Variants in PRG4 observed in about 807,000 individuals in gnomAD.
PRG4 encodes proteoglycan 4.
Under a neutral mutation model 91.2 loss-of-function variants are expected in PRG4, and 61 were observed. That is an observed-to-expected ratio of 0.67 (90% CI 0.54 to 0.83). The LOEUF (loss-of-function observed/expected upper bound fraction) is 0.83. Ranked by LOEUF, PRG4 falls within the 40% of genes least tolerant of loss-of-function variation. The probability of loss-of-function intolerance (pLI) is 0.00; values close to 1 mark genes in which losing one functional copy is unlikely to be tolerated. For synonymous variants in PRG4, 576 were observed against 614.2 expected (o/e 0.94, Z 0.92); for missense variants, 1,564 against 1,714.2 (o/e 0.91, Z 1.55).
rs1657040554 is a variant in PRG4, at chr1:186,309,793, A to C, written c.3422A>C (p.Asp1141Ala). 6.2e-7 allele frequency: 1 copy of C among 1,610,114 alleles called. No individual in the cohort carries two copies. Residue 1141 changes from aspartate to alanine, a missense_variant and splice_region_variant, in exon 8 of 13, where the codon GAT (aspartate) becomes GCT (alanine). Coordinates refer to ENST00000445192, the MANE Select transcript of PRG4 (RefSeq NM_005807.6). ...GTTTTGTTTTTGTTAATTTGTTTAG[A>C]TGAGACCAATATATGCAATGGTAAG... ...QGIIINPMLS[D>A]ETNICNGKPV...
At chr1:186,313,199 G>T in intron 12 of PRG4, 1 of 428,148 alleles carries the variant, frequency 2.3e-6, no homozygotes, top group Non-Finnish European at 4.3e-6. Flanking sequence ...ACCTTGTTTG[G>T]CACAAGGTTA....
At chr1:186,304,084 C>A in intron 4 of PRG4, 24 bp from the exon 5 acceptor site, 1 of 1,612,750 alleles carries the variant, frequency 6.2e-7, no homozygotes, top group Non-Finnish European at 8.5e-7. Context: ...AAGATGTTAA[C>A]TGACTTGTCT....
At position 186,308,644 on chromosome 1, in the gene PRG4, T is replaced by C; in HGVS notation, c.2925T>C (p.Thr975=). 1 of 1,612,022 alleles carries C rather than the reference T, an allele frequency of 6.2e-7. No homozygotes were observed. The highest frequency in any genetic ancestry group is 8.5e-7 in the Non-Finnish European group (1 of 1,179,586). The change falls in exon 7 of 13, where the codon ACT becomes ACC. Residue 975 remains threonine (T), a synonymous_variant. Transcript: ENST00000445192. ...TQDTTPFKIT[T]LKTTTLAPKV... is the part of the protein sequence containing the mutation. ...ATACCACACCATTCAAAATTACTACTCTTAAAACAACTACTCTTGCACCCA... is the reference window on the plus strand; with the variant it reads ...ATACCACACCATTCAAAATTACTACCCTTAAAACAACTACTCTTGCACCCA...
At chr1:186,310,953 C>A in intron 8 of PRG4, 81 bp from the exon 9 acceptor site, 1 of 1,519,226 alleles carries the variant, frequency 6.6e-7, no homozygotes. Flanking sequence ...CATAAGAAAA[C>A]TACATTTTTT....
rs757983967 is a variant in PRG4, at chr1:186,304,868, A to G, written c.544A>G (p.Ile182Val). The G allele has an allele frequency of 6.2e-7, 1 of 1,613,462 alleles. No homozygotes were observed. Among genetic ancestry groups the G allele is most frequent in the East Asian group, 2.2e-5 (1 of 44,802 alleles). ...CTCTTCTTCTTCAACAATTCGGAAA[A>G]TCAAGTCTTCCAAAAATTCAGCTGC... Reference protein sequence around the residue: ...SSSSSSTIRKIKSSKNSAANR... With the variant: ...SSSSSSTIRKVKSSKNSAANR... Residue 182 changes from isoleucine to valine, a missense_variant, in exon 6 of 13, where the codon ATC (isoleucine) becomes GTC (valine). Ile to Val is a conservative substitution (Grantham distance 29, BLOSUM62 3). Around this residue, in one of 3 missense-constraint regions of PRG4, gnomAD observed 437 missense variants for 459.0 expected, o/e 0.95. Coordinates refer to ENST00000445192, the MANE Select transcript of PRG4 (RefSeq NM_005807.6).
In PRG4 at chr1:186,308,958, ACCAAACT is replaced by A. The variant is rs769917456; in HGVS notation, c.3254_3260del (p.Ser1085Ter). On this transcript the variant is annotated frameshift_variant, in exon 7 of 13. Transcript: ENST00000445192. LOFTEE classifies it high-confidence loss of function. ...ATGCTCCAAACCACCACCAGACCTA[ACCAAACT>A]CCAAACTCCAAACTAGTTGAAGTAA... The A allele has an allele frequency of 1.6e-5, 26 of 1,608,702 alleles. No homozygotes were observed. The highest frequency in any genetic ancestry group is 2.7e-5 in the African/African-American group (2 of 74,584).
intron 6 of PRG4, 100 bp downstream of exon 6, chr1:186,305,022 T>A (rs1025509855): frequency 3.3e-5 from 41 of 1,253,230 alleles, no homozygotes; most frequent in Non-Finnish European, 4.6e-5. Flanking sequence ...CATCTTAATA[T>A]GGGGGGGAAT....
chr1:186,309,671 G>T, intron 7 of PRG4, 122 bp from the exon 8 acceptor site: 1 of 753,134 alleles, frequency 1.3e-6, no homozygotes. Flanking sequence ...AGGTCAAACT[G>T]TGTCCTTCAA....
intron 8 of PRG4, 86 bp from the exon 9 acceptor site, chr1:186,310,948 G>A: frequency 2.0e-6 from 3 of 1,502,846 alleles, no homozygotes; most frequent in Non-Finnish European, 9.2e-7. Context: ...CAATGCATAA[G>A]AAAACTACAT....
At chr1:186,301,452 A>G in intron 3 of PRG4, 140 bp from the exon 4 acceptor site, 1 of 1,226,352 alleles carries the variant, frequency 8.2e-7, no homozygotes, top group Non-Finnish European at 1.2e-6. Flanking sequence ...TTCCTGGATG[A>G]TGTACTCCAA....
Position 186,300,027 on chromosome 1 carries a change from G to T in PRG4, c.77-64G>T, listed in dbSNP as rs147063332. 1.9e-6 allele frequency: 3 copies of T among 1,586,742 alleles called. No individual in the cohort carries two copies. The Middle Eastern group carries it at 5.0e-4, about 263-fold the overall frequency. The stretch of plus-strand genomic sequence containing the variant: ...CTCACCAAGTGGCTTTGTCCCCCTC[G>T]TTAGATTGCTCCCTTTCTATAAAGT... On this transcript the variant is annotated intron_variant, in intron 2 of 12. Coordinates refer to ENST00000445192, the MANE Select transcript of PRG4 (RefSeq NM_005807.6).
chr1:186,300,686 A>C lies in PRG4; in HGVS notation c.199+473A>C, dbSNP rs16825138. 2.1e-3 allele frequency among the ~76,000 whole-genome samples: 317 copies of C among 152,334 alleles called. 2 individuals are homozygous for C. Among genetic ancestry groups the C allele is most frequent in the African/African-American group, 7.0e-3 (291 of 41,584 alleles). On this transcript the variant is annotated intron_variant, in intron 3 of 12. Coordinates refer to ENST00000445192, the MANE Select transcript of PRG4 (RefSeq NM_005807.6). Reference sequence around the variant, plus strand: ...GACTTTCTGATGTTAACACGTTTGTAAATTACCTGGAAAAGACACTTTAAA... The same window carrying C: ...GACTTTCTGATGTTAACACGTTTGTCAATTACCTGGAAAAGACACTTTAAA...
In PRG4 at chr1:186,314,329, T is replaced by C. The variant is rs1289411693; in HGVS notation, c.*551T>C. 4 of 392,062 alleles carry C rather than the reference T, an allele frequency of 1.0e-5. No individual in the cohort carries two copies. Among genetic ancestry groups the C allele is most frequent in the East Asian group, 9.0e-5 (2 of 22,258 alleles). The allele number at this position is 392,062 out of a possible 1,614,324, so 24.3% of individuals were successfully genotyped here. On this transcript the variant is annotated 3_prime_UTR_variant, in exon 13 of 13. Coordinates refer to ENST00000445192, the MANE Select transcript of PRG4 (RefSeq NM_005807.6). ...AAATTAACAATATAATGGCAATAGG[T>C]AGAGATACAACAAATGAATATAACA...
At chr1:186,310,669 A>G (rs58889048) in intron 8 of PRG4, among the ~76,000 whole-genome samples, 1 of 131,512 alleles carries the variant, frequency 7.6e-6, no homozygotes, top group Non-Finnish European at 1.6e-5. Context: ...TTTTTTTTGT[A>G]TTTTTTTTTT....
rs201785504 is a variant in PRG4 at position 186,311,456 on chromosome 1, G to A, written c.3653G>A (p.Arg1218His). 72 of 1,613,428 alleles carry A rather than the reference G, an allele frequency of 4.5e-5. 1 individual carries two copies. Among genetic ancestry groups the A allele is most frequent in the Non-Finnish European group, 5.7e-5 (67 of 1,179,518 alleles). ...AATTATCAGGATTCTCAGTACTGGC[G>A]TTTTACCAATGATATAAAAGATGCA... ...TFFFKDSQYW[R>H]FTNDIKDAGY... The change falls in exon 10 of 13, where the codon CGT (arginine) becomes CAT (histidine). Residue 1218 changes from arginine (R) to histidine (H), a missense_variant. By Grantham distance (29) the Arg-to-His change is conservative. Coordinates refer to ENST00000445192, the MANE Select transcript of PRG4 (RefSeq NM_005807.6).
At chr1:186,310,980 T>C (rs1657173495) in intron 8 of PRG4, 54 bp from the exon 9 acceptor site, 3 of 1,603,872 alleles carry the variant, frequency 1.9e-6, no homozygotes, top group Middle Eastern at 1.7e-4. Context: ...TTGGTTTCTT[T>C]TGTGATAGGT....
rs759123473 is a variant in PRG4 at position 186,311,028 on chromosome 1, T to C, written c.3500-6T>C. 28 of 1,614,050 alleles carry C rather than the reference T, an allele frequency of 1.7e-5. No homozygotes were observed. The highest frequency in any genetic ancestry group is 2.3e-5 in the Non-Finnish European group (27 of 1,179,948). On this transcript the variant is annotated splice_polypyrimidine_tract_variant and splice_region_variant and intron_variant, in intron 8 of 12. Coordinates refer to ENST00000445192, the MANE Select transcript of PRG4 (RefSeq NM_005807.6). ...TTGTAGGCTGATGTCTTTCCTTAAA[T>C]TTTAGGTCATTATTTCTGGATGCTA... is the stretch of plus-strand genomic sequence containing the variant.
chr1:186,308,618 G>T lies in PRG4; in HGVS notation c.2899G>T (p.Asp967Tyr), dbSNP rs1414747036. The T allele has an allele frequency of 6.2e-7, 1 of 1,612,770 alleles. No homozygotes were observed. Among genetic ancestry groups the T allele is most frequent in the Non-Finnish European group, 8.5e-7 (1 of 1,179,874 alleles). The change falls in exon 7 of 13, where the codon GAT (aspartate) becomes TAT (tyrosine). Residue 967 changes from aspartate to tyrosine, a missense_variant. Around this residue, in one of 3 missense-constraint regions of PRG4, gnomAD observed 1,079 missense variants for 1,162.2 expected, o/e 0.93. Transcript: ENST00000445192. ...TTQVTSTTTQ[D>Y]TTPFKITTLK... The stretch of plus-strand genomic sequence containing the variant: ...ACAAGTAACATCTACCACAACTCAA[G>T]ATACCACACCATTCAAAATTACTAC...
chr1:186,310,605 CCT>C (rs1657129138), intron 8 of PRG4, among the ~76,000 whole-genome samples: 1 of 151,940 alleles, frequency 6.6e-6, no homozygotes, highest in African/African-American at 2.4e-5. Flanking sequence ...ATCTCAGCCA[CCT>C]GAGTAGCTGG....
Sources: allele counts gnomAD v4.1 joint callset (sites outside exome capture counted in the v4.1 genomes callset), GRCh38; gene constraint gnomAD v4.1.1; regional missense constraint gnomAD v4.1.1; transcripts MANE v1.5; gene names NCBI Gene and HGNC (gene_info 2026-07-23, HGNC 2026-07-21).